CDK6: variants seen among roughly 807,000 people sequenced by gnomAD.
CDK6 encodes the protein cyclin dependent kinase 6.
Under a neutral mutation model 37.1 loss-of-function variants are expected in CDK6, and 6 were observed. The ratio of observed to expected loss-of-function variants is 0.16; its 90% CI spans 0.09 to 0.32. The LOEUF (loss-of-function observed/expected upper bound fraction) is 0.32. CDK6 is among the 10% of genes least tolerant of loss of function. CDK6 has a pLI of 1.00. For missense variants in CDK6, 224 were observed against 418.9 expected (o/e 0.53, Z 4.06); for synonymous variants, 160 against 161.3 (o/e 0.99, Z 0.06).
intron 2 of CDK6, among the ~76,000 whole-genome samples, chr7:92,824,670 C>T (rs746106040): frequency 1.3e-5 from 2 of 152,116 alleles, no homozygotes; most frequent in Non-Finnish European, 2.9e-5. Flanking sequence ...AATGAAAGTG[C>T]TACCAATCAG....
intron 2 of CDK6, among the ~76,000 whole-genome samples, chr7:92,781,086 C>G (rs1397496355): frequency 6.6e-6 from 1 of 152,168 alleles, no homozygotes; most frequent in Non-Finnish European, 1.5e-5. Context: ...ATAATGTGAT[C>G]CAAGTGAATG....
At chr7:92,736,554 T>C (rs1798791412) in intron 3 of CDK6, among the ~76,000 whole-genome samples, 2 of 152,144 alleles carry the variant, frequency 1.3e-5, no homozygotes, top group Non-Finnish European at 2.9e-5. Flanking sequence ...TGGGGAAGCA[T>C]CTGTCATGGA....
chr7:92,624,686 T>C (rs1311245569), intron 5 of CDK6, among the ~76,000 whole-genome samples: 1 of 152,084 alleles, frequency 6.6e-6, no homozygotes. Context: ...TCTTAAAAGA[T>C]GACAAGGTGA....
intron 3 of CDK6, among the ~76,000 whole-genome samples, chr7:92,758,915 C>T (rs370894538): frequency 1.1e-4 from 17 of 152,012 alleles, no homozygotes; most frequent in East Asian, 9.6e-4. Context: ...TGGGATCTGG[C>T]CTTCCTGATT....
At chr7:92,820,292 A>C (rs1401337412) in intron 2 of CDK6, among the ~76,000 whole-genome samples, 1 of 152,132 alleles carries the variant, frequency 6.6e-6, no homozygotes, top group Non-Finnish European at 1.5e-5. Context: ...GGACTCCATC[A>C]GCTTCATAGG....
At chr7:92,669,120 A>T (rs1797020876) in intron 5 of CDK6, among the ~76,000 whole-genome samples, 1 of 152,214 alleles carries the variant, frequency 6.6e-6, no homozygotes, top group African/African-American at 2.4e-5. Context: ...TCTCAGTCCC[A>T]ATGCTGAGAT....
intron 2 of CDK6, among the ~76,000 whole-genome samples, chr7:92,782,502 A>C (rs1367939280): frequency 6.6e-6 from 1 of 152,174 alleles, no homozygotes; most frequent in Non-Finnish European, 1.5e-5. Context: ...GGAGCATAAT[A>C]ATCAGTCTCA....
chr7:92,806,385 T>C (rs1207106309), intron 2 of CDK6, among the ~76,000 whole-genome samples: 1 of 152,234 alleles, frequency 6.6e-6, no homozygotes, highest in Non-Finnish European at 1.5e-5. Flanking sequence ...TCTTTTGTTT[T>C]GTCAGTGATT....
chr7:92,750,610 G>A (rs1403470426), intron 3 of CDK6, among the ~76,000 whole-genome samples: 1 of 152,152 alleles, frequency 6.6e-6, no homozygotes, highest in Admixed American at 6.5e-5. Flanking sequence ...ATTGTAACAA[G>A]CCATTTCTAA....
intron 2 of CDK6, among the ~76,000 whole-genome samples, chr7:92,790,963 A>C (rs991999342): frequency 1.3e-5 from 2 of 152,134 alleles, no homozygotes; most frequent in Admixed American, 6.5e-5. Context: ...GTGGGCAACT[A>C]TTTTTTATGG....
chr7:92,784,957 A>C (rs1201815139), intron 2 of CDK6, among the ~76,000 whole-genome samples: 1 of 152,228 alleles, frequency 6.6e-6, no homozygotes, highest in African/African-American at 2.4e-5. Flanking sequence ...ACGAAGACTC[A>C]AACACTAAAA....
chr7:92,671,921 T>A (rs1455839229), intron 4 of CDK6, among the ~76,000 whole-genome samples: 1 of 151,322 alleles, frequency 6.6e-6, no homozygotes, highest in Non-Finnish European at 1.5e-5. Flanking sequence ...CAGGCCAGCA[T>A]TATTGGCAGA....
intron 2 of CDK6, among the ~76,000 whole-genome samples, chr7:92,806,357 T>A (rs1015683512): frequency 2.0e-5 from 3 of 152,174 alleles, no homozygotes; most frequent in Non-Finnish European, 4.4e-5. Context: ...ACATGTACAA[T>A]TGTAGATTCT....
intron 5 of CDK6, among the ~76,000 whole-genome samples, chr7:92,666,470 T>C (rs1796958657): frequency 6.6e-6 from 1 of 152,240 alleles, no homozygotes; most frequent in African/African-American, 2.4e-5. Context: ...ATTTAGGGGA[T>C]AAACATGCAT....
At chr7:92,793,522 T>C (rs1469754117) in intron 2 of CDK6, among the ~76,000 whole-genome samples, 3 of 152,136 alleles carry the variant, frequency 2.0e-5, no homozygotes, top group Non-Finnish European at 4.4e-5. Flanking sequence ...TTTCAACAAA[T>C]GATGCTGGGA....
At chr7:92,797,284 T>C (rs1800438841) in intron 2 of CDK6, among the ~76,000 whole-genome samples, 1 of 152,170 alleles carries the variant, frequency 6.6e-6, no homozygotes, top group African/African-American at 2.4e-5. Flanking sequence ...AGTATCCTAC[T>C]ATAACCTGGC....
intron 4 of CDK6, chr7:92,701,686 T>A (rs1020059173): frequency 6.6e-6 from 1 of 152,490 alleles, no homozygotes; most frequent in Non-Finnish European, 1.5e-5. Flanking sequence ...ATTACAGGTG[T>A]GAGCCACCGC....
At chr7:92,666,614 C>G (rs769436923) in intron 5 of CDK6, among the ~76,000 whole-genome samples, 4 of 152,120 alleles carry the variant, frequency 2.6e-5, no homozygotes, top group Non-Finnish European at 5.9e-5. Flanking sequence ...AATGAATGAA[C>G]CACATATGTG....
chr7:92,620,157 T>A (rs1795778052), intron 6 of CDK6, among the ~76,000 whole-genome samples: 1 of 152,206 alleles, frequency 6.6e-6, no homozygotes, highest in African/African-American at 2.4e-5. Context: ...TCTAATTACA[T>A]CTTGCAAGTA....
Sources: gnomAD v4.1 joint callset for allele counts (sites outside exome capture counted in the v4.1 genomes callset) on GRCh38, gnomAD v4.1.1 for gene constraint, MANE v1.5 for transcripts, NCBI Gene and HGNC (gene_info 2026-07-23, HGNC 2026-07-21) for gene names.